The following NFIB variants were observed in gnomAD, a reference collection of about 807,000 sequenced individuals.
The protein encoded by NFIB is nuclear factor 1 B-type.
Under a neutral mutation model 61.5 loss-of-function variants are expected in NFIB, and 11 were observed. The ratio of observed to expected loss-of-function variants is 0.18; its 90% CI spans 0.11 to 0.30. The LOEUF (loss-of-function observed/expected upper bound fraction) is 0.30, where lower values mean the gene tolerates loss of function less well. Ranked by LOEUF, NFIB falls within the 10% of genes least tolerant of loss-of-function variation. The pLI is 1.00. For missense variants in NFIB, 471 were observed against 608.9 expected, an observed-to-expected ratio of 0.77 and a Z score of 2.38; for synonymous variants, 260 against 216.5, an observed-to-expected ratio of 1.20 and a Z score of -1.76.
the NFIB span, among the ~76,000 whole-genome samples, chr9:14,490,776 G>A: frequency 4.6e-5 from 7 of 152,080 alleles, no homozygotes; most frequent in Non-Finnish European, 8.8e-5. Flanking sequence ...ACGCTACCAC[G>A]CACTGGCAAA....
rs988147783 is a variant in NFIB at position 14,086,866 on chromosome 9, T to G, written c.*1443A>C. On this transcript the variant is annotated 3_prime_UTR_variant, in exon 11 of 11. Transcript: ENST00000380953. The stretch of plus-strand genomic sequence containing the variant: ...ATATCTTCGTGCAAATTAGGATTAC[T>G]GGAAAGAGTATTTTTAATTAAAATT... 2 of 202,886 alleles carry G rather than the reference T, an allele frequency of 9.9e-6. No individual in the cohort carries two copies. The highest frequency in any genetic ancestry group is 2.0e-5 in the Non-Finnish European group (2 of 98,780). 12.6% of individuals were successfully genotyped at this position (202,886 alleles called of 1,614,324 possible). A position where few individuals can be genotyped will look rare whatever the true frequency, so the allele number is the denominator to read the frequency against.
At chr9:14,211,793 C>A (rs1282069960) in intron 2 of NFIB, among the ~76,000 whole-genome samples, 1 of 152,180 alleles carries the variant, frequency 6.6e-6, no homozygotes, top group Non-Finnish European at 1.5e-5. Flanking sequence ...AACAGTATAG[C>A]ATATTGTTAT....
At chr9:14,477,858 C>G in the NFIB span, among the ~76,000 whole-genome samples, 3 of 152,106 alleles carry the variant, frequency 2.0e-5, no homozygotes, top group African/African-American at 7.2e-5. Context: ...AGCCACATTG[C>G]AAGCATTTTG....
At chr9:14,198,867 T>A (rs1260147270) in intron 2 of NFIB, among the ~76,000 whole-genome samples, 1 of 152,100 alleles carries the variant, frequency 6.6e-6, no homozygotes, top group Non-Finnish European at 1.5e-5. Context: ...CCAAAACCAA[T>A]CTCCACTTTT....
At chr9:14,185,920 G>A (rs980601033) in intron 2 of NFIB, among the ~76,000 whole-genome samples, 7 of 152,154 alleles carry the variant, frequency 4.6e-5, no homozygotes, top group South Asian at 2.1e-4. Context: ...CTCCTATAAA[G>A]AGAAGAAATG....
At chr9:14,286,119 T>A (rs574888829) in intron 2 of NFIB, among the ~76,000 whole-genome samples, 1 of 152,310 alleles carries the variant, frequency 6.6e-6, no homozygotes, top group African/African-American at 2.4e-5. Flanking sequence ...TCTGCTGACA[T>A]CTGAGGAATT....
At chr9:14,423,081 A>G in the NFIB span, among the ~76,000 whole-genome samples, 1 of 152,230 alleles carries the variant, frequency 6.6e-6, no homozygotes, top group Admixed American at 6.5e-5. Context: ...GTATGCCCAC[A>G]TGCCAGTAGC....
chr9:14,193,882 G>A (rs1227831686), intron 2 of NFIB, among the ~76,000 whole-genome samples: 1 of 152,142 alleles, frequency 6.6e-6, no homozygotes, highest in Non-Finnish European at 1.5e-5. Flanking sequence ...CTAACAGGAT[G>A]ACACTGGTGA....
intron 8 of NFIB, among the ~76,000 whole-genome samples, chr9:14,118,514 T>C (rs1037853732): frequency 6.6e-6 from 1 of 152,072 alleles, no homozygotes; most frequent in Non-Finnish European, 1.5e-5. Flanking sequence ...CAGACAACTT[T>C]CCTAAAACTC....
In NFIB at chr9:14,313,358, G is replaced by A. The variant is rs978420646; in HGVS notation, c.30+124C>T. The stretch of plus-strand genomic sequence containing the variant: ...CCCCGCGACGCCCGCTGCAACTCCG[G>A]GCCACTTCTCCAAGGGACGGGGATG... On this transcript the variant is annotated intron_variant, in intron 1 of 10. Transcript: ENST00000380953. The surrounding 1 kb of genome is among the most constrained non-coding windows in gnomAD (Gnocchi z 4.5). 4 of 1,399,282 alleles carry A rather than the reference G, an allele frequency of 2.9e-6. No individual in the cohort carries two copies. Among genetic ancestry groups the A allele is most frequent in the South Asian group, 1.3e-5 (1 of 78,940 alleles). 86.7% of individuals were successfully genotyped at this position (1,399,282 alleles called of 1,614,324 possible).
intron 1 of NFIB, among the ~76,000 whole-genome samples, chr9:14,386,855 G>A (rs1039522249): frequency 6.6e-6 from 1 of 152,186 alleles, no homozygotes; most frequent in Non-Finnish European, 1.5e-5. Context: ...GTTATTAGGT[G>A]CTCCATAGCA....
intron 3 of NFIB, among the ~76,000 whole-genome samples, chr9:14,168,219 C>G (rs1469848125): frequency 6.6e-6 from 1 of 152,186 alleles, no homozygotes; most frequent in Non-Finnish European, 1.5e-5. Flanking sequence ...GTCTAAGCCT[C>G]TGCTTCATAA....
At chr9:14,445,876 TG>T in the NFIB span, among the ~76,000 whole-genome samples, 1 of 152,216 alleles carries the variant, frequency 6.6e-6, no homozygotes, top group Non-Finnish European at 1.5e-5. Flanking sequence ...GATGTTTGAT[TG>T]GGGAACATTT....
intron 10 of NFIB, among the ~76,000 whole-genome samples, chr9:14,111,950 C>T (rs984892291): frequency 6.6e-6 from 1 of 152,164 alleles, no homozygotes; most frequent in African/African-American, 2.4e-5. Flanking sequence ...GAGAACTCCA[C>T]ACCAAGCACA....
At chr9:14,295,505 C>G (rs948215295) in intron 2 of NFIB, among the ~76,000 whole-genome samples, 1 of 151,966 alleles carries the variant, frequency 6.6e-6, no homozygotes, top group Admixed American at 6.5e-5. Flanking sequence ...GGGAAGGGCG[C>G]CTGTAGTCCC....
At chr9:14,263,362 ACT>A in intron 2 of NFIB, among the ~76,000 whole-genome samples, 1 of 151,684 alleles carries the variant, frequency 6.6e-6, no homozygotes, top group African/African-American at 2.4e-5. Context: ...ATGAAGAAAA[ACT>A]CTTCCAGAAG....
At chr9:14,260,529 G>C (rs910628257) in intron 2 of NFIB, among the ~76,000 whole-genome samples, 7 of 152,170 alleles carry the variant, frequency 4.6e-5, no homozygotes, top group South Asian at 2.1e-4. Context: ...TAAATCTCAT[G>C]GTGCTTCAAA....
chr9:14,291,341 C>A (rs2132539735), intron 2 of NFIB, among the ~76,000 whole-genome samples: 1 of 151,964 alleles, frequency 6.6e-6, no homozygotes, highest in Non-Finnish European at 1.5e-5. Context: ...AAAAATTAGC[C>A]AGGTGTGGTG....
the NFIB span, among the ~76,000 whole-genome samples, chr9:14,444,304 T>C: frequency 6.6e-6 from 1 of 150,720 alleles, no homozygotes; most frequent in Non-Finnish European, 1.5e-5. Flanking sequence ...GTGTAGATTT[T>C]AGAAGAGTAT....
Sources: gnomAD v4.1 joint callset for allele counts (sites outside exome capture counted in the v4.1 genomes callset) on GRCh38, gnomAD v4.1.1 for gene constraint, Gnocchi (gnomAD v3.1) non-coding constraint, MANE v1.5 for transcripts, NCBI Gene and HGNC (gene_info 2026-07-23, HGNC 2026-07-21) for gene names.